CLSTN2: variants seen among roughly 807,000 people sequenced by gnomAD.
CLSTN2 encodes calsyntenin 2.
CLSTN2 carries 48 observed loss-of-function variants against 101.2 expected under a neutral mutation model. The ratio of observed to expected loss-of-function variants is 0.47; its 90% CI spans 0.38 to 0.60. The LOEUF is 0.60. Ranked by LOEUF, CLSTN2 falls within the 20% of genes least tolerant of loss-of-function variation. The pLI, the probability that CLSTN2 is intolerant of heterozygous loss-of-function variation, is 0.00. For synonymous variants in CLSTN2, 481 were observed against 463.6 expected (o/e 1.04, Z -0.48); for missense variants, 1,160 against 1,238.2 (o/e 0.94, Z 0.95).
chr3:140,552,355 C>T (rs1935718199), intron 10 of CLSTN2, among the ~76,000 whole-genome samples: 1 of 147,714 alleles, frequency 6.8e-6, no homozygotes, highest in Admixed American at 6.9e-5. Context: ...AAACAGGTAT[C>T]TTGTTTAATC....
At chr3:140,441,926 G>A (rs2088772900) in intron 5 of CLSTN2, among the ~76,000 whole-genome samples, 2 of 152,164 alleles carry the variant, frequency 1.3e-5, no homozygotes, top group South Asian at 4.2e-4. Flanking sequence ...CAGCTGCTGG[G>A]TTGTACACTC....
At chr3:140,028,859 G>A (rs769180147) in intron 1 of CLSTN2, among the ~76,000 whole-genome samples, 3 of 152,244 alleles carry the variant, frequency 2.0e-5, no homozygotes, top group African/African-American at 7.2e-5. Context: ...GTGTGTGACC[G>A]CTTCACTTTG....
At chr3:140,041,979 C>T (rs1307362013) in intron 1 of CLSTN2, among the ~76,000 whole-genome samples, 1 of 152,168 alleles carries the variant, frequency 6.6e-6, no homozygotes, top group Non-Finnish European at 1.5e-5. Flanking sequence ...TATTTTCATA[C>T]ATAATGGCTG....
chr3:140,450,772 A>G (rs1933227770), intron 6 of CLSTN2, among the ~76,000 whole-genome samples: 1 of 152,050 alleles, frequency 6.6e-6, no homozygotes, highest in Non-Finnish European at 1.5e-5. Flanking sequence ...CTTCACCCAC[A>G]CTGTTCTAAC....
chr3:140,545,635 G>A (rs1935570502), intron 9 of CLSTN2, among the ~76,000 whole-genome samples: 1 of 152,222 alleles, frequency 6.6e-6, no homozygotes, highest in African/African-American at 2.4e-5. Flanking sequence ...GTCTCCTAGG[G>A]AAGGCGAGGC....
chr3:140,434,527 T>G (rs1245817919), intron 5 of CLSTN2, among the ~76,000 whole-genome samples: 3 of 152,064 alleles, frequency 2.0e-5, no homozygotes, highest in Non-Finnish European at 4.4e-5. Flanking sequence ...AAGCCTAGGG[T>G]CTGTGAGAAC....
intron 1 of CLSTN2, among the ~76,000 whole-genome samples, chr3:140,084,807 C>CT (rs2008654194): frequency 6.6e-6 from 1 of 152,208 alleles, no homozygotes; most frequent in Admixed American, 6.5e-5. Context: ...CAAGCATTTT[C>CT]TACTCCTGCT....
intron 1 of CLSTN2, among the ~76,000 whole-genome samples, chr3:140,008,244 C>G (rs2006997813): frequency 6.6e-6 from 1 of 152,228 alleles, no homozygotes; most frequent in Admixed American, 6.5e-5. Context: ...AAGGGAATAG[C>G]TGTGAGCTGC....
chr3:140,518,614 ATT>A (rs1014963290), intron 8 of CLSTN2, among the ~76,000 whole-genome samples: 3 of 152,122 alleles, frequency 2.0e-5, no homozygotes, highest in Non-Finnish European at 4.4e-5. Context: ...GGGGCAGATG[ATT>A]CCTTTTCACA....
chr3:140,558,460 C>G (rs889403070), intron 11 of CLSTN2, among the ~76,000 whole-genome samples, 180 bp from the exon 12 acceptor site: 1 of 152,196 alleles, frequency 6.6e-6, no homozygotes, highest in African/African-American at 2.4e-5. Flanking sequence ...GTCCCTAGAT[C>G]ACTAGTGGTT....
At chr3:140,353,073 A>G (rs969085536) in intron 2 of CLSTN2, among the ~76,000 whole-genome samples, 16 of 152,202 alleles carry the variant, frequency 1.1e-4, no homozygotes, top group African/African-American at 3.4e-4. Context: ...AAAACTTATT[A>G]TAAGTAATCT....
chr3:140,320,203 A>G (rs2087268426), intron 2 of CLSTN2, among the ~76,000 whole-genome samples: 1 of 152,186 alleles, frequency 6.6e-6, no homozygotes, highest in African/African-American at 2.4e-5. Context: ...TAAGAACTCC[A>G]TGCACAGAGG....
chr3:140,367,841 T>TTGATATGC (rs1559850298), intron 2 of CLSTN2, among the ~76,000 whole-genome samples: 5 of 151,934 alleles, frequency 3.3e-5, no homozygotes, highest in African/African-American at 1.2e-4. Flanking sequence ...CATAGGGATG[T>TTGATATGC]TTGATTAAAT....
intron 2 of CLSTN2, among the ~76,000 whole-genome samples, chr3:140,214,030 A>C (rs2010890536): frequency 6.6e-6 from 1 of 152,188 alleles, no homozygotes; most frequent in South Asian, 2.1e-4. Context: ...TTGGCCCAGC[A>C]GCTTAGTTTA....
intron 1 of CLSTN2, among the ~76,000 whole-genome samples, chr3:140,013,732 T>TA (rs147431005): frequency 0.078 from 11,623 of 148,640 alleles, 489 homozygotes; most frequent in African/African-American, 0.1. Context: ...AAACCATAAC[T>TA]AAAAAAAAAA....
At chr3:140,071,625 A>C (rs868781220) in intron 1 of CLSTN2, among the ~76,000 whole-genome samples, 19 of 152,296 alleles carry the variant, frequency 1.2e-4, no homozygotes, top group South Asian at 8.3e-4. Context: ...AAGTCAGGAA[A>C]TTGAGACCAT....
intron 2 of CLSTN2, among the ~76,000 whole-genome samples, chr3:140,182,124 A>C (rs1194671481): frequency 1.3e-5 from 2 of 152,172 alleles, no homozygotes; most frequent in Non-Finnish European, 2.9e-5. Context: ...CTTTTTGACA[A>C]AGAGGAAGCA....
chr3:140,251,078 G>C (rs767273623), intron 2 of CLSTN2, among the ~76,000 whole-genome samples: 2 of 152,192 alleles, frequency 1.3e-5, no homozygotes, highest in East Asian at 3.9e-4. Context: ...ACATGGGAGT[G>C]AGTAGTTGCC....
intron 5 of CLSTN2, among the ~76,000 whole-genome samples, chr3:140,427,066 C>T (rs1000141977): frequency 7.0e-6 from 1 of 143,838 alleles, no homozygotes; most frequent in Non-Finnish European, 1.5e-5. Flanking sequence ...ATCCCAGCTA[C>T]TTGGGAGGCT....
Sources: gnomAD v4.1 joint callset for allele counts (sites outside exome capture counted in the v4.1 genomes callset) on GRCh38, gnomAD v4.1.1 for gene constraint, MANE v1.5 for transcripts, NCBI Gene and HGNC (gene_info 2026-07-23, HGNC 2026-07-21) for gene names.